Variants in PACSIN2 observed in about 807,000 individuals in gnomAD.
The protein encoded by PACSIN2 is protein kinase C and casein kinase substrate in neurons protein 2.
PACSIN2 carries 25 observed loss-of-function variants against 63.8 expected under a neutral mutation model. That is an observed-to-expected ratio of 0.39 (90% CI 0.29 to 0.55). The LOEUF is 0.55. Among genes scored for constraint, PACSIN2 ranks in the 20% least tolerant of loss-of-function variants. PACSIN2 has a pLI of 0.62. For synonymous variants in PACSIN2, 255 were observed against 256.2 expected, an observed-to-expected ratio of 1.00 and a Z score of 0.05; for missense variants, 518 against 646.9, an observed-to-expected ratio of 0.80 and a Z score of 2.16.
At chr22:42,983,186 G>A (rs970024631) in intron 1 of PACSIN2, among the ~76,000 whole-genome samples, 4 of 151,892 alleles carry the variant, frequency 2.6e-5, no homozygotes, top group Non-Finnish European at 4.4e-5. Flanking sequence ...CTGTGGTGAC[G>A]CACACCTGTA....
chr22:42,969,534 A>T (rs1283024741), intron 1 of PACSIN2, among the ~76,000 whole-genome samples: 2 of 152,066 alleles, frequency 1.3e-5, no homozygotes, highest in Non-Finnish European at 1.5e-5. Context: ...CACCTCAATA[A>T]CTCTGGCAAC....
At chr22:42,976,933 C>T (rs540876296) in intron 1 of PACSIN2, among the ~76,000 whole-genome samples, 6 of 152,252 alleles carry the variant, frequency 3.9e-5, no homozygotes, top group South Asian at 2.1e-4. Flanking sequence ...TTTCTCCAGC[C>T]GACACAATAC....
intron 1 of PACSIN2, among the ~76,000 whole-genome samples, chr22:42,997,235 G>A (rs1442193866): frequency 6.6e-6 from 1 of 152,248 alleles, no homozygotes; most frequent in Non-Finnish European, 1.5e-5. Flanking sequence ...CCTAGCACAT[G>A]GCAGGCGTTC....
At chr22:42,896,743 A>T (rs1930316477) in intron 2 of PACSIN2, among the ~76,000 whole-genome samples, 1 of 152,162 alleles carries the variant, frequency 6.6e-6, no homozygotes, top group African/African-American at 2.4e-5. Flanking sequence ...AACGTATGAG[A>T]CTTCCCTGTC....
intron 1 of PACSIN2, among the ~76,000 whole-genome samples, chr22:42,947,521 G>A (rs750458247): frequency 5.3e-5 from 8 of 152,128 alleles, no homozygotes; most frequent in Non-Finnish European, 8.8e-5. Flanking sequence ...TCTGATGAGT[G>A]GAATCCTCAA....
intron 1 of PACSIN2, among the ~76,000 whole-genome samples, chr22:42,933,211 C>T (rs1932818650): frequency 6.6e-6 from 1 of 152,224 alleles, no homozygotes; most frequent in Admixed American, 6.5e-5. Context: ...AACAAACTAT[C>T]TCTATGGTTC....
At position 42,975,607 on chromosome 22, in the gene PACSIN2, T is replaced by C. The variant is rs1934878752; in HGVS notation, c.-78+39414A>G. 4.1e-5 allele frequency among the ~76,000 whole-genome samples: 4 copies of C among 97,010 alleles called. No individual in the cohort carries two copies. The South Asian group carries it at 1.0e-3, about 25-fold the overall frequency. The allele number at this position is 97,010 out of a possible 152,430, so 63.6% of individuals were successfully genotyped here. On this transcript the variant is annotated intron_variant, in intron 1 of 10. Transcript: ENST00000263246. Reference sequence around the variant, plus strand: ...TTATTTACAGATACATGTGTATAAGTATTCTTTTTTTTTTCCCTTTTTCTA... The same window carrying C: ...TTATTTACAGATACATGTGTATAAGCATTCTTTTTTTTTTCCCTTTTTCTA...
chr22:43,011,622 G>A (rs977493035), intron 1 of PACSIN2, among the ~76,000 whole-genome samples: 1 of 152,176 alleles, frequency 6.6e-6, no homozygotes, highest in East Asian at 1.9e-4. Context: ...AGAAACAAAA[G>A]GCAAGGACAT....
chr22:42,985,358 G>A (rs912719990), intron 1 of PACSIN2, among the ~76,000 whole-genome samples: 4 of 152,206 alleles, frequency 2.6e-5, no homozygotes, highest in African/African-American at 9.7e-5. Context: ...TGGATGGGGT[G>A]CTCACCCCAG....
Position 42,883,652 on chromosome 22 carries a change from AAGAC to A in PACSIN2, c.785+730_785+733del, listed in dbSNP as rs780253119. 7.9e-5 allele frequency among the ~76,000 whole-genome samples: 12 copies of A among 152,348 alleles called. No homozygotes were observed. In the East Asian group the frequency reaches 1.9e-3, roughly 24 times the overall value. ...ACCTGATCACAAAGGGCCTCAAAGA[AAGAC>A]TGTCCCAGGCACGACCAGCCCAGAA... On this transcript the variant is annotated intron_variant, in intron 6 of 10. Coordinates refer to ENST00000263246, the MANE Select transcript of PACSIN2 (RefSeq NM_001184970.3).
chr22:42,913,795 G>C (rs1392374160), intron 1 of PACSIN2, among the ~76,000 whole-genome samples: 1 of 152,170 alleles, frequency 6.6e-6, no homozygotes, highest in Admixed American at 6.5e-5. Context: ...ACTAGTATTT[G>C]ACACCAGCTC....
chr22:42,963,844 C>A (rs1364699462), intron 1 of PACSIN2, among the ~76,000 whole-genome samples: 1 of 93,468 alleles, frequency 1.1e-5, no homozygotes, highest in Non-Finnish European at 2.1e-5. Flanking sequence ...AAAATTTCTA[C>A]AATTTTTTTT....
intron 7 of PACSIN2, 129 bp from the exon 8 acceptor site, chr22:42,879,298 A>G: frequency 1.0e-6 from 1 of 988,612 alleles, no homozygotes; most frequent in South Asian, 1.8e-5. Flanking sequence ...TCAGGGCCCC[A>G]GCTCTCCCTG....
At chr22:42,942,165 G>C (rs1244853606) in intron 1 of PACSIN2, among the ~76,000 whole-genome samples, 2 of 150,442 alleles carry the variant, frequency 1.3e-5, no homozygotes, top group African/African-American at 4.9e-5. Flanking sequence ...TGTTGCTCAG[G>C]CTGGTCTCAA....
At chr22:42,977,801 G>A (rs777557873) in intron 1 of PACSIN2, among the ~76,000 whole-genome samples, 1 of 152,128 alleles carries the variant, frequency 6.6e-6, no homozygotes, top group Non-Finnish European at 1.5e-5. Flanking sequence ...CTCCTGCTCT[G>A]CCATGGTAAG....
chr22:42,930,111 T>C (rs1426078463), intron 1 of PACSIN2, among the ~76,000 whole-genome samples: 1 of 152,200 alleles, frequency 6.6e-6, no homozygotes, highest in African/African-American at 2.4e-5. Context: ...TCGCGAACCA[T>C]GAGGTGACTT....
At chr22:42,884,308 A>C (rs1929305883) in intron 6 of PACSIN2, 78 bp downstream of exon 6, 2 of 1,359,406 alleles carry the variant, frequency 1.5e-6, no homozygotes, top group Admixed American at 1.9e-5. Context: ...CAAACCTGGG[A>C]GCAGCATCTG....
intron 1 of PACSIN2, among the ~76,000 whole-genome samples, chr22:42,952,402 C>G (rs1933733780): frequency 1.3e-5 from 2 of 151,998 alleles, no homozygotes; most frequent in African/African-American, 4.8e-5. Flanking sequence ...GTCACCCAGG[C>G]TGGAGTGCAG....
intron 1 of PACSIN2, among the ~76,000 whole-genome samples, chr22:42,987,078 A>G (rs1409846906): frequency 6.6e-6 from 1 of 152,162 alleles, no homozygotes; most frequent in East Asian, 1.9e-4. Context: ...CTTGATGTGT[A>G]GTCAATGAGA....
Sources: gnomAD v4.1 joint callset for allele counts (sites outside exome capture counted in the v4.1 genomes callset) on GRCh38, gnomAD v4.1.1 for gene constraint, MANE v1.5 for transcripts, NCBI Gene and HGNC (gene_info 2026-07-23, HGNC 2026-07-21) for gene names.